Variants in FUT8 observed in about 807,000 individuals in gnomAD.
FUT8 encodes the protein fucosyltransferase 8, also known as alpha-(1,6)-fucosyltransferase.
In FUT8, 29 loss-of-function variants were observed where a neutral mutation model predicts 71.3. That is an observed-to-expected ratio of 0.41 (90% confidence interval 0.30 to 0.55). The LOEUF is 0.55. Ranked by LOEUF, FUT8 falls within the 20% of genes least tolerant of loss-of-function variation. The pLI, the probability that FUT8 is intolerant of heterozygous loss-of-function variation, is 0.34. For missense variants in FUT8, 544 were observed against 702.1 expected, an observed-to-expected ratio of 0.77 and a Z score of 2.55; for synonymous variants, 254 against 239.3, an observed-to-expected ratio of 1.06 and a Z score of -0.57.
chr14:65,636,784 T>A (rs1890582062), intron 6 of FUT8, among the ~76,000 whole-genome samples: 1 of 152,160 alleles, frequency 6.6e-6, no homozygotes, highest in South Asian at 2.1e-4. Context: ...CAGGACATAA[T>A]GGAAAATTGA....
At chr14:65,622,528 A>G (rs1342542115) in intron 5 of FUT8, among the ~76,000 whole-genome samples, 4 of 152,204 alleles carry the variant, frequency 2.6e-5, no homozygotes, top group African/African-American at 7.2e-5. Flanking sequence ...CCAAAGTAAC[A>G]TAATTGTTGT....
At chr14:65,699,490 C>T (rs926039928) in intron 7 of FUT8, among the ~76,000 whole-genome samples, 1 of 152,144 alleles carries the variant, frequency 6.6e-6, no homozygotes, top group Non-Finnish European at 1.5e-5. Flanking sequence ...GATAGGGACT[C>T]TAGTTTACAT....
chr14:65,494,331 T>C (rs1421529245), intron 2 of FUT8, among the ~76,000 whole-genome samples: 1 of 152,196 alleles, frequency 6.6e-6, no homozygotes, highest in Non-Finnish European at 1.5e-5. Context: ...ATAGCACATC[T>C]CAGTTCAAAC....
intron 2 of FUT8, among the ~76,000 whole-genome samples, chr14:65,500,207 G>T (rs1051333951): frequency 1.1e-4 from 16 of 152,166 alleles, no homozygotes; most frequent in African/African-American, 3.4e-4. Flanking sequence ...CAGTTATGCA[G>T]TGTTCCATTA....
At chr14:65,411,761 G>A (rs1176200844), upstream of FUT8, 5 of 332,656 alleles carry the variant, frequency 1.5e-5, no homozygotes, top group South Asian at 4.5e-5. Flanking sequence ...ACAGGGAAGA[G>A]TTTGGAACGG....
chr14:65,707,180 C>T (rs912594253), intron 7 of FUT8, among the ~76,000 whole-genome samples: 7 of 152,108 alleles, frequency 4.6e-5, no homozygotes, highest in Non-Finnish European at 7.4e-5. Flanking sequence ...TTATTATTGT[C>T]TTTTTGGTAA....
chr14:65,714,779 C>A (rs1349141011), intron 7 of FUT8, among the ~76,000 whole-genome samples: 1 of 151,990 alleles, frequency 6.6e-6, no homozygotes, highest in Non-Finnish European at 1.5e-5. Context: ...TTATAGTTTT[C>A]ATTGTAGAGA....
At chr14:65,536,003 T>A in intron 2 of FUT8, among the ~76,000 whole-genome samples, 1 of 152,216 alleles carries the variant, frequency 6.6e-6, no homozygotes, top group East Asian at 1.9e-4. Flanking sequence ...TTAGGTCTTC[T>A]TGTTGAATTA....
intron 7 of FUT8, among the ~76,000 whole-genome samples, chr14:65,720,568 C>T (rs1325822965): frequency 3.9e-5 from 6 of 152,200 alleles, no homozygotes; most frequent in Non-Finnish European, 8.8e-5. Flanking sequence ...AACTGCACTG[C>T]CTTAGATTAG....
intron 1 of FUT8, among the ~76,000 whole-genome samples, chr14:65,451,876 G>A (rs1231199465): frequency 6.6e-6 from 1 of 152,164 alleles, no homozygotes; most frequent in Non-Finnish European, 1.5e-5. Context: ...ATAGGCACAG[G>A]ATGGGATGGG....
At chr14:65,583,211 C>G (rs182491339) in intron 3 of FUT8, among the ~76,000 whole-genome samples, 16 of 152,170 alleles carry the variant, frequency 1.1e-4, no homozygotes, top group Non-Finnish European at 2.1e-4. Flanking sequence ...AGATCTCACT[C>G]TGTTACCCAG....
chr14:65,549,255 C>G (rs1885149115), intron 2 of FUT8, among the ~76,000 whole-genome samples: 1 of 152,108 alleles, frequency 6.6e-6, no homozygotes, highest in Admixed American at 6.6e-5. Context: ...AGTTCACATT[C>G]ACAGAAACCT....
intron 2 of FUT8, chr14:65,457,798 A>AC (rs1657450474): frequency 6.6e-6 from 1 of 152,232 alleles, no homozygotes; most frequent in Non-Finnish European, 1.5e-5. Context: ...ATTTTTAACT[A>AC]CTAGGTTTAG....
chr14:65,461,866 A>G (rs1353804056), intron 2 of FUT8, among the ~76,000 whole-genome samples: 2 of 152,214 alleles, frequency 1.3e-5, no homozygotes, highest in Non-Finnish European at 2.9e-5. Flanking sequence ...GAAGACATAG[A>G]TTTTAACAAT....
intron 7 of FUT8, among the ~76,000 whole-genome samples, chr14:65,687,963 G>A (rs1174585015): frequency 1.3e-5 from 2 of 152,170 alleles, no homozygotes; most frequent in Admixed American, 6.5e-5. Context: ...CTCCTGGCTT[G>A]AAGCAGTTCT....
At chr14:65,452,538 G>C (rs1259285377) in intron 1 of FUT8, among the ~76,000 whole-genome samples, 2 of 152,234 alleles carry the variant, frequency 1.3e-5, no homozygotes, top group African/African-American at 2.4e-5. Flanking sequence ...CTAGCTGGGA[G>C]ATTGGGGGGC....
At chr14:65,727,444 C>T (rs1895743413) in intron 9 of FUT8, among the ~76,000 whole-genome samples, 1 of 152,182 alleles carries the variant, frequency 6.6e-6, no homozygotes. Flanking sequence ...GTGGAAGCTG[C>T]CAAGGCTTGG....
intron 2 of FUT8, among the ~76,000 whole-genome samples, chr14:65,497,831 G>T (rs2066582989): frequency 6.6e-6 from 1 of 152,058 alleles, no homozygotes; most frequent in Non-Finnish European, 1.5e-5. Flanking sequence ...TATAAAATAT[G>T]TCATATTTTA....
rs78475820 is a variant in FUT8, at chr14:65,638,750, G to A, written c.597+9144G>A. The stretch of plus-strand genomic sequence containing the variant: ...TTAAAGCCAGAATATAACTATATAC[G>A]TTATTTATGTGCTTGTATACTGACT... On this transcript the variant is annotated intron_variant, in intron 6 of 10. Coordinates refer to ENST00000673929, the MANE Select transcript of FUT8 (RefSeq NM_001371533.1). The surrounding 1 kb of genome is among the most constrained non-coding windows in gnomAD (Gnocchi z 4.5). Among the ~76,000 whole-genome samples, 888 of 152,170 alleles carry A rather than the reference G, an allele frequency of 5.8e-3. 31 individuals carry two copies. The East Asian group carries it at 0.095, about 16-fold the overall frequency.
Sources: gnomAD v4.1 joint callset for allele counts (sites outside exome capture counted in the v4.1 genomes callset) on GRCh38, gnomAD v4.1.1 for gene constraint, Gnocchi (gnomAD v3.1) non-coding constraint, MANE v1.5 for transcripts, NCBI Gene and HGNC (gene_info 2026-07-23, HGNC 2026-07-21) for gene names.